TCERG1L: variants seen among roughly 807,000 people sequenced by gnomAD.
The protein encoded by TCERG1L is transcription elongation regulator 1 like.
Under a neutral mutation model 56.3 loss-of-function variants are expected in TCERG1L, and 37 were observed. That is an observed-to-expected ratio of 0.66 (90% CI 0.51 to 0.87). The LOEUF is 0.87. TCERG1L is among the 40% of genes least tolerant of loss of function. TCERG1L has a pLI of 0.00. For missense variants in TCERG1L, 799 were observed against 774.2 expected (o/e 1.03, Z -0.38); for synonymous variants, 324 against 326.3 (o/e 0.99, Z 0.08).
At chr10:131,189,627 T>G (rs1329906756) in intron 4 of TCERG1L, among the ~76,000 whole-genome samples, 1 of 152,218 alleles carries the variant, frequency 6.6e-6, no homozygotes, top group East Asian at 1.9e-4. Flanking sequence ...TTGTGAGTAG[T>G]GCTGTGATAA....
chr10:131,306,720 T>A (rs1846821896), intron 3 of TCERG1L, among the ~76,000 whole-genome samples: 2 of 151,930 alleles, frequency 1.3e-5, no homozygotes, highest in African/African-American at 4.8e-5. Flanking sequence ...GAAGGTAAAA[T>A]CAATACAAAT....
intron 7 of TCERG1L, among the ~76,000 whole-genome samples, chr10:131,135,332 G>C (rs1468265648): frequency 6.6e-6 from 1 of 152,128 alleles, no homozygotes; most frequent in Non-Finnish European, 1.5e-5. Flanking sequence ...CCTTCCCAGT[G>C]ACCGCTGAGC....
At chr10:131,222,722 A>G (rs544803661) in intron 4 of TCERG1L, among the ~76,000 whole-genome samples, 1 of 152,228 alleles carries the variant, frequency 6.6e-6, no homozygotes, top group Admixed American at 6.5e-5. Flanking sequence ...CAACAGCCTC[A>G]TTAATGTGGC....
intron 4 of TCERG1L, among the ~76,000 whole-genome samples, chr10:131,256,812 A>T (rs1399572345): frequency 6.6e-6 from 1 of 151,672 alleles, no homozygotes; most frequent in Non-Finnish European, 1.5e-5. Context: ...TGAACCCAGG[A>T]GGCAGAGGTT....
At chr10:131,252,008 G>A (rs1846116373) in intron 4 of TCERG1L, among the ~76,000 whole-genome samples, 2 of 152,156 alleles carry the variant, frequency 1.3e-5, no homozygotes, top group African/African-American at 2.4e-5. Context: ...GGGGGACCTC[G>A]GATAAGTGGA....
At chr10:131,297,003 T>C (rs1846700564) in intron 3 of TCERG1L, among the ~76,000 whole-genome samples, 1 of 152,236 alleles carries the variant, frequency 6.6e-6, no homozygotes, top group African/African-American at 2.4e-5. Context: ...TTTGAGATAG[T>C]CTATATCGTC....
chr10:131,196,870 A>T (rs778327811), intron 4 of TCERG1L, among the ~76,000 whole-genome samples: 2 of 152,236 alleles, frequency 1.3e-5, no homozygotes, highest in Non-Finnish European at 2.9e-5. Flanking sequence ...TGTTGATCTC[A>T]GCTCTACTAA....
chr10:131,222,218 CAA>C (rs147659788), intron 4 of TCERG1L, among the ~76,000 whole-genome samples: 2,619 of 152,342 alleles, frequency 0.017, 74 homozygotes, highest in African/African-American at 0.059. Context: ...AACTATTCAT[CAA>C]AAGAGTGAAT....
At chr10:131,243,782 G>A (rs976371759) in intron 4 of TCERG1L, among the ~76,000 whole-genome samples, 1 of 152,130 alleles carries the variant, frequency 6.6e-6, no homozygotes, top group Non-Finnish European at 1.5e-5. Context: ...GATGCACAAG[G>A]GACACATTAT....
chr10:131,278,781 G>A (rs904717842), intron 3 of TCERG1L, among the ~76,000 whole-genome samples: 4 of 150,310 alleles, frequency 2.7e-5, no homozygotes, highest in Non-Finnish European at 5.9e-5. Context: ...GCCCTTGAAG[G>A]CCCCTGCTCT....
rs543367094 is a variant in TCERG1L, at chr10:131,103,024, C to T, written c.1485+1241G>A. Among the ~76,000 whole-genome samples the T allele has an allele frequency of 1.3e-5, 2 of 152,040 alleles. No homozygotes were observed. The highest frequency in any genetic ancestry group is 2.4e-5 in the African/African-American group (1 of 41,486). ...CCGGAGAACCCCCTCTAATCAATTC[C>T]GTGTTTTCTGGGTGGCGTTTTGTAG... On this transcript the variant is annotated intron_variant, in intron 10 of 11. Transcript: ENST00000368642. This position sits in a 1 kb window ranked among gnomAD's most constrained non-coding sequence, Gnocchi z 4.3.
intron 3 of TCERG1L, among the ~76,000 whole-genome samples, chr10:131,291,788 A>G (rs887777756): frequency 4.6e-5 from 7 of 152,092 alleles, no homozygotes; most frequent in Non-Finnish European, 8.8e-5. Flanking sequence ...CTGTAAAAAA[A>G]AAAAATTACT....
intron 3 of TCERG1L, among the ~76,000 whole-genome samples, chr10:131,280,037 GCC>G (rs1350149661): frequency 1.3e-5 from 2 of 152,194 alleles, no homozygotes; most frequent in African/African-American, 4.8e-5. Flanking sequence ...AATGTATTTT[GCC>G]AAGCTTGAGG....
intron 4 of TCERG1L, among the ~76,000 whole-genome samples, chr10:131,201,409 C>T (rs957654467): frequency 5.3e-5 from 8 of 152,170 alleles, no homozygotes; most frequent in Non-Finnish European, 7.4e-5. Flanking sequence ...GACACGTGAT[C>T]GTGGGAGCAC....
At chr10:131,099,344 T>G (rs1178172295) in intron 10 of TCERG1L, among the ~76,000 whole-genome samples, 1 of 152,234 alleles carries the variant, frequency 6.6e-6, no homozygotes, top group South Asian at 2.1e-4. Flanking sequence ...CAGCGAAAAA[T>G]GGTCATTTAT....
At chr10:131,224,922 T>C (rs911352982) in intron 4 of TCERG1L, among the ~76,000 whole-genome samples, 4 of 152,236 alleles carry the variant, frequency 2.6e-5, no homozygotes, top group African/African-American at 9.6e-5. Context: ...AGAATGTCTC[T>C]CTTTACTAGT....
chr10:131,166,624 C>T (rs1243220369), intron 5 of TCERG1L, among the ~76,000 whole-genome samples, 173 bp downstream of exon 5: 1 of 152,240 alleles, frequency 6.6e-6, no homozygotes, highest in African/African-American at 2.4e-5. Context: ...GGCTGTGTCC[C>T]TGCTCTCTAG....
chr10:131,113,572 G>GT (rs1403240593), intron 9 of TCERG1L, among the ~76,000 whole-genome samples: 1 of 142,264 alleles, frequency 7.0e-6, no homozygotes, highest in Non-Finnish European at 1.6e-5. Flanking sequence ...AGGAGAAATC[G>GT]TCACAGCGAA....
At chr10:131,148,904 G>A (rs990433500) in intron 6 of TCERG1L, among the ~76,000 whole-genome samples, 105 of 152,344 alleles carry the variant, frequency 6.9e-4, no homozygotes, top group African/African-American at 2.5e-3. Flanking sequence ...CCCCCTCGGG[G>A]CGACTCTGTC....
Sources: allele counts gnomAD v4.1 joint callset (sites outside exome capture counted in the v4.1 genomes callset), GRCh38; gene constraint gnomAD v4.1.1; non-coding constraint Gnocchi (gnomAD v3.1); transcripts MANE v1.5; gene names NCBI Gene and HGNC (gene_info 2026-07-23, HGNC 2026-07-21).